EPHA6: variants seen among roughly 807,000 people sequenced by gnomAD.
The protein encoded by EPHA6 is ephrin type-A receptor 6.
Under a neutral mutation model 112.0 loss-of-function variants are expected in EPHA6, and 50 were observed. The ratio of observed to expected loss-of-function variants is 0.45; its 90% CI spans 0.36 to 0.56. The LOEUF is 0.56. Ranked by LOEUF, EPHA6 falls within the 20% of genes least tolerant of loss-of-function variation. The pLI, the probability that EPHA6 is intolerant of heterozygous loss-of-function variation, is 0.00. For missense variants in EPHA6, 1,280 were observed against 1,417.4 expected (o/e 0.90, Z 1.56); for synonymous variants, 529 against 490.7 (o/e 1.08, Z -1.03).
intron 11 of EPHA6, among the ~76,000 whole-genome samples, chr3:97,579,971 A>T (rs1032912058): frequency 9.2e-5 from 14 of 152,230 alleles, no homozygotes; most frequent in African/African-American, 3.4e-4. Context: ...TTTGAAAGCG[A>T]TAAGTTTTTA....
intron 2 of EPHA6, among the ~76,000 whole-genome samples, chr3:96,967,848 A>G (rs2042180358): frequency 1.3e-5 from 2 of 151,910 alleles, no homozygotes; most frequent in South Asian, 4.1e-4. Context: ...AGGAGAATGG[A>G]TCTGCAGCTA....
At chr3:97,618,719 T>TG (rs2093787212) in intron 13 of EPHA6, among the ~76,000 whole-genome samples, 1 of 152,002 alleles carries the variant, frequency 6.6e-6, no homozygotes. Context: ...CAGGAAGAAA[T>TG]TGAATCCCTT....
chr3:97,682,840 A>G (rs968950990), intron 14 of EPHA6, among the ~76,000 whole-genome samples: 2 of 152,274 alleles, frequency 1.3e-5, no homozygotes, highest in African/African-American at 4.8e-5. Flanking sequence ...TCACTATTCA[A>G]TTGTTCAAAA....
chr3:96,923,280 C>G (rs2039868534), intron 2 of EPHA6, among the ~76,000 whole-genome samples: 1 of 152,144 alleles, frequency 6.6e-6, no homozygotes, highest in African/African-American at 2.4e-5. Flanking sequence ...CATTTTTCCT[C>G]CACAACCTAA....
intron 3 of EPHA6, among the ~76,000 whole-genome samples, chr3:97,035,498 AGTATT>A (rs769058981): frequency 1.6e-4 from 25 of 151,930 alleles, no homozygotes; most frequent in Non-Finnish European, 3.2e-4. Flanking sequence ...TGCTCCTTCT[AGTATT>A]GTAAGTATTG....
chr3:97,251,253 G>A (rs1640732834), intron 5 of EPHA6, among the ~76,000 whole-genome samples: 1 of 152,060 alleles, frequency 6.6e-6, no homozygotes, highest in Non-Finnish European at 1.5e-5. Flanking sequence ...ACAAAAGGCC[G>A]GGCGCAGTGG....
chr3:97,054,072 C>T (rs2045772607), intron 3 of EPHA6, among the ~76,000 whole-genome samples: 1 of 151,656 alleles, frequency 6.6e-6, no homozygotes, highest in Non-Finnish European at 1.5e-5. Context: ...ACCTAGGGGG[C>T]TTACTACATA....
chr3:97,736,611 T>TTTCCTGCTGATA (rs745984060), intron 16 of EPHA6, among the ~76,000 whole-genome samples: 16 of 151,742 alleles, frequency 1.1e-4, no homozygotes, highest in Non-Finnish European at 2.4e-4. Context: ...AGGAAGAATA[T>TTTCCTGCTGATA]TTCCTGCTGA....
intron 13 of EPHA6, among the ~76,000 whole-genome samples, chr3:97,613,901 C>A (rs2093741170): frequency 6.6e-6 from 1 of 152,066 alleles, no homozygotes; most frequent in Admixed American, 6.6e-5. Context: ...TTAAATGTAA[C>A]CTTGACCATT....
At chr3:97,264,283 G>A (rs1274772950) in intron 5 of EPHA6, among the ~76,000 whole-genome samples, 2 of 152,222 alleles carry the variant, frequency 1.3e-5, no homozygotes, top group East Asian at 1.9e-4. Flanking sequence ...CAAATCAAGC[G>A]TGGAGTGGCA....
At chr3:97,485,859 G>A (rs2091686781) in intron 10 of EPHA6, among the ~76,000 whole-genome samples, 1 of 152,130 alleles carries the variant, frequency 6.6e-6, no homozygotes, top group East Asian at 1.9e-4. Context: ...TTTTTATACT[G>A]CCTTGTCCAA....
chr3:96,974,073 G>T (rs1431815494), intron 2 of EPHA6, among the ~76,000 whole-genome samples: 1 of 144,186 alleles, frequency 6.9e-6, no homozygotes, highest in Admixed American at 7.0e-5. Flanking sequence ...TATATTTGTA[G>T]TATGATTAAT....
At chr3:97,134,694 G>T (rs114284263) in intron 3 of EPHA6, among the ~76,000 whole-genome samples, 1 of 152,098 alleles carries the variant, frequency 6.6e-6, no homozygotes, top group African/African-American at 2.4e-5. Context: ...TGCATTGTAA[G>T]AAAAATGCAT....
At chr3:97,094,729 T>C (rs1269795065) in intron 3 of EPHA6, among the ~76,000 whole-genome samples, 1 of 152,176 alleles carries the variant, frequency 6.6e-6, no homozygotes, top group Non-Finnish European at 1.5e-5. Flanking sequence ...TAAACTATTA[T>C]TTTAGCCTTC....
chr3:97,251,123 C>CA (rs2079124689), intron 5 of EPHA6, among the ~76,000 whole-genome samples: 1 of 152,004 alleles, frequency 6.6e-6, no homozygotes, highest in Non-Finnish European at 1.5e-5. Flanking sequence ...ACCTTGGCCT[C>CA]CCAAAGTACT....
intron 14 of EPHA6, among the ~76,000 whole-genome samples, chr3:97,703,050 T>C (rs562282443): frequency 1.3e-5 from 2 of 152,260 alleles, no homozygotes; most frequent in South Asian, 4.1e-4. Context: ...AAAGAAAGAT[T>C]GACAGCACTG....
At chr3:96,900,094 C>G (rs1327998011) in intron 2 of EPHA6, among the ~76,000 whole-genome samples, 5 of 151,976 alleles carry the variant, frequency 3.3e-5, no homozygotes, top group Admixed American at 2.0e-4. Context: ...TATTAATTAC[C>G]CTGGGACAAT....
At chr3:97,396,029 G>T (rs142302067) in intron 5 of EPHA6, among the ~76,000 whole-genome samples, 4 of 151,780 alleles carry the variant, frequency 2.6e-5, no homozygotes, top group African/African-American at 9.6e-5. Flanking sequence ...CGATAGCCTT[G>T]TGGAGTAAGG....
chr3:97,090,287 C>A (rs912144461), intron 3 of EPHA6, among the ~76,000 whole-genome samples: 5 of 151,954 alleles, frequency 3.3e-5, no homozygotes, highest in African/African-American at 1.2e-4. Flanking sequence ...CAAATGCTGG[C>A]AACCCTTTGA....
Sources: gnomAD v4.1 joint callset for allele counts (sites outside exome capture counted in the v4.1 genomes callset) on GRCh38, gnomAD v4.1.1 for gene constraint, MANE v1.5 for transcripts, NCBI Gene and HGNC (gene_info 2026-07-23, HGNC 2026-07-21) for gene names.